The following ARHGAP24 variants were observed in gnomAD, a reference collection of about 807,000 sequenced individuals.
ARHGAP24 encodes Rho GTPase activating protein 24.
Under a neutral mutation model 76.4 loss-of-function variants are expected in ARHGAP24, and 50 were observed. That is an observed-to-expected ratio of 0.65 (90% confidence interval 0.52 to 0.83). The LOEUF (loss-of-function observed/expected upper bound fraction) is 0.83. Ranked by LOEUF, ARHGAP24 falls within the 40% of genes least tolerant of loss-of-function variation. ARHGAP24 has a pLI of 0.00. For synonymous variants in ARHGAP24, 345 were observed against 323.3 expected (o/e 1.07, Z -0.72); for missense variants, 930 against 914.2 (o/e 1.02, Z -0.22).
intron 4 of ARHGAP24, among the ~76,000 whole-genome samples, chr4:85,931,245 G>T (rs527475078): frequency 1.3e-5 from 2 of 152,156 alleles, no homozygotes; most frequent in Admixed American, 6.5e-5. Context: ...CTGTGAATAG[G>T]TGGGGTAGGT....
chr4:85,878,132 G>A (rs1056561234), intron 3 of ARHGAP24, among the ~76,000 whole-genome samples: 1 of 152,016 alleles, frequency 6.6e-6, no homozygotes, highest in Non-Finnish European at 1.5e-5. Flanking sequence ...TCCTTTTAAT[G>A]TCTAATTATG....
chr4:85,523,534 T>C (rs1724870161), intron 1 of ARHGAP24, among the ~76,000 whole-genome samples: 2 of 152,200 alleles, frequency 1.3e-5, no homozygotes, highest in South Asian at 4.1e-4. Context: ...TGTGCAGTTG[T>C]CAGACAATTT....
intron 3 of ARHGAP24, among the ~76,000 whole-genome samples, chr4:85,915,938 T>A (rs1735360824): frequency 6.6e-6 from 1 of 152,180 alleles, no homozygotes; most frequent in African/African-American, 2.4e-5. Flanking sequence ...ATATACCCAG[T>A]AATGGGGTTG....
At chr4:85,961,497 G>A (rs1738246610) in intron 5 of ARHGAP24, among the ~76,000 whole-genome samples, 1 of 151,668 alleles carries the variant, frequency 6.6e-6, no homozygotes, top group Non-Finnish European at 1.5e-5. Flanking sequence ...ATTTTTATTG[G>A]AAGAAAATAT....
At chr4:85,869,578 G>A (rs2665873) in intron 3 of ARHGAP24, among the ~76,000 whole-genome samples, 146,028 of 152,234 alleles carry the variant, frequency 0.96, 70,389 homozygotes, top group East Asian at 1. Context: ...TGAAAGTTTC[G>A]CTATTTTGAC....
At chr4:85,688,410 TA>T (rs34319717) in intron 2 of ARHGAP24, among the ~76,000 whole-genome samples, 10 of 152,308 alleles carry the variant, frequency 6.6e-5, no homozygotes, top group Non-Finnish European at 1.3e-4. Flanking sequence ...CTCATTTTTT[TA>T]AATGGGATTA....
At chr4:85,777,859 A>G (rs949165482) in intron 3 of ARHGAP24, among the ~76,000 whole-genome samples, 4 of 152,192 alleles carry the variant, frequency 2.6e-5, no homozygotes, top group African/African-American at 9.7e-5. Flanking sequence ...CAGTTAGAAA[A>G]ACATAATTTA....
At chr4:85,704,293 A>G (rs953202881) in intron 2 of ARHGAP24, among the ~76,000 whole-genome samples, 4 of 152,128 alleles carry the variant, frequency 2.6e-5, no homozygotes, top group African/African-American at 9.7e-5. Flanking sequence ...TCTTTCTATC[A>G]TTGTAGCTTC....
chr4:85,686,834 G>T, intron 2 of ARHGAP24, among the ~76,000 whole-genome samples: 1 of 141,556 alleles, frequency 7.1e-6, no homozygotes, highest in Admixed American at 7.0e-5. Flanking sequence ...TTATAACATT[G>T]TATTAGTAAA....
chr4:85,832,839 G>C (rs1730062975), intron 3 of ARHGAP24, among the ~76,000 whole-genome samples: 1 of 152,186 alleles, frequency 6.6e-6, no homozygotes, highest in Admixed American at 6.5e-5. Flanking sequence ...CCATGCCACT[G>C]AGTTGTCATG....
intron 8 of ARHGAP24, among the ~76,000 whole-genome samples, chr4:85,980,055 C>A (rs906629904): frequency 6.6e-6 from 1 of 152,088 alleles, no homozygotes; most frequent in African/African-American, 2.4e-5. Context: ...TTCTTAGGCT[C>A]ATATGTTTTA....
At chr4:85,531,297 C>A (rs564477183) in intron 1 of ARHGAP24, among the ~76,000 whole-genome samples, 32 of 152,208 alleles carry the variant, frequency 2.1e-4, no homozygotes, top group South Asian at 1.4e-3. Context: ...CTGTCCCCAA[C>A]ACTTAGAACA....
At position 85,874,922 on chromosome 4, in the gene ARHGAP24, A is replaced by AATATAATTTATATATAAATATATTT. The variant is rs1560688322; in HGVS notation, c.269-48726_269-48725insATATAATTTATATATAAATATATTT. Among the ~76,000 whole-genome samples, 24 of 29,152 alleles carry AATATAATTTATATATAAATATATTT rather than the reference A, an allele frequency of 8.2e-4. 4 individuals are homozygous for AATATAATTTATATATAAATATATTT. Among genetic ancestry groups the AATATAATTTATATATAAATATATTT allele is most frequent in the African/African-American group, 2.7e-3 (24 of 8,972 alleles). The allele number at this position is 29,152 out of a possible 152,430, so 19.1% of individuals were successfully genotyped here. A position where few individuals can be genotyped will look rare whatever the true frequency, so the allele number is the denominator to read the frequency against. ...ATATAATTTATATATAAATATATTT[A>AATATAATTTATATATAAATATATTT]TATATAATTTATATATAATATATTT... On this transcript the variant is annotated intron_variant, in intron 3 of 9. Transcript: ENST00000395184.
At chr4:85,788,853 C>G (rs1452682) in intron 3 of ARHGAP24, among the ~76,000 whole-genome samples, 1 of 152,142 alleles carries the variant, frequency 6.6e-6, no homozygotes, top group African/African-American at 2.4e-5. Context: ...AACACCCGTT[C>G]TAAGATATGG....
At chr4:85,830,825 T>C (rs149689524) in intron 3 of ARHGAP24, among the ~76,000 whole-genome samples, 26 of 152,308 alleles carry the variant, frequency 1.7e-4, no homozygotes, top group African/African-American at 6.0e-4. Flanking sequence ...AGTGGACCGC[T>C]GGCTATAAGG....
intron 3 of ARHGAP24, among the ~76,000 whole-genome samples, chr4:85,793,287 G>T (rs1472776261): frequency 1.3e-5 from 2 of 152,016 alleles, no homozygotes; most frequent in Non-Finnish European, 2.9e-5. Flanking sequence ...GCTCATTTAC[G>T]ACAAGCTTTT....
chr4:85,490,320 T>C (rs1723303661), intron 1 of ARHGAP24, among the ~76,000 whole-genome samples: 1 of 152,162 alleles, frequency 6.6e-6, no homozygotes, highest in African/African-American at 2.4e-5. Context: ...AAATTGTAGC[T>C]AGAACAATTT....
intron 2 of ARHGAP24, among the ~76,000 whole-genome samples, chr4:85,616,558 G>A (rs1242766458): frequency 6.6e-6 from 1 of 152,060 alleles, no homozygotes; most frequent in Non-Finnish European, 1.5e-5. Flanking sequence ...TTGTATTTGT[G>A]TGTGTGTGTA....
chr4:85,745,333 T>C (rs1439830280), intron 3 of ARHGAP24, among the ~76,000 whole-genome samples: 2 of 147,778 alleles, frequency 1.4e-5, no homozygotes, highest in Non-Finnish European at 3.0e-5. Context: ...TATATACATA[T>C]ATACATATAT....
Sources: allele counts gnomAD v4.1 joint callset (sites outside exome capture counted in the v4.1 genomes callset), GRCh38; gene constraint gnomAD v4.1.1; transcripts MANE v1.5; gene names NCBI Gene and HGNC (gene_info 2026-07-23, HGNC 2026-07-21).